PLCXD3: variants seen among roughly 807,000 people sequenced by gnomAD.
PLCXD3 encodes the protein PI-PLC X domain-containing protein 3.
In PLCXD3, 19 loss-of-function variants were observed where a neutral mutation model predicts 25.5. That is an observed-to-expected ratio of 0.75 (90% CI 0.52 to 1.09). PLCXD3 has a LOEUF of 1.09. PLCXD3 is among the 50% of genes least tolerant of loss of function. The pLI is 0.00. For synonymous variants in PLCXD3, 174 were observed against 137.6 expected, an observed-to-expected ratio of 1.26 and a Z score of -1.85; for missense variants, 411 against 388.1, an observed-to-expected ratio of 1.06 and a Z score of -0.50.
intron 2 of PLCXD3, among the ~76,000 whole-genome samples, chr5:41,327,225 G>A (rs867255895): frequency 2.0e-5 from 3 of 152,126 alleles, no homozygotes; most frequent in African/African-American, 7.2e-5. Flanking sequence ...GGGGACATGG[G>A]GACTAGAGAG....
chr5:41,469,192 A>T (rs1748094780), intron 1 of PLCXD3, among the ~76,000 whole-genome samples: 1 of 152,208 alleles, frequency 6.6e-6, no homozygotes, highest in Non-Finnish European at 1.5e-5. Flanking sequence ...TGATATGCAT[A>T]TATTGAACCA....
chr5:41,493,157 C>T (rs1320082760), intron 1 of PLCXD3, among the ~76,000 whole-genome samples: 1 of 152,192 alleles, frequency 6.6e-6, no homozygotes, highest in East Asian at 1.9e-4. Context: ...ACAGACAGAA[C>T]CCTCAGCTGC....
chr5:41,410,863 T>C (rs1208794548), intron 1 of PLCXD3, among the ~76,000 whole-genome samples: 3 of 152,210 alleles, frequency 2.0e-5, no homozygotes, highest in Non-Finnish European at 2.9e-5. Flanking sequence ...AGCAGCTAAT[T>C]GTATAAGACG....
intron 1 of PLCXD3, among the ~76,000 whole-genome samples, chr5:41,509,373 T>C (rs906457635): frequency 1.3e-5 from 2 of 152,062 alleles, no homozygotes; most frequent in African/African-American, 4.8e-5. Flanking sequence ...CATAGCCAAA[T>C]TGACAATAAA....
chr5:41,381,826 C>T lies in PLCXD3; in HGVS notation c.812G>A (p.Arg271Lys), dbSNP rs866875091. 1.9e-6 allele frequency: 3 copies of T among 1,601,432 alleles called. No individual in the cohort carries two copies. The highest frequency in any genetic ancestry group is 1.7e-6 in the Non-Finnish European group (2 of 1,174,402). ...ASGLRETITE[R>K]ALPAMMQWVR... ...CCCCTGACATTTTAAAGACACTTAC[C>T]TTTCTGTGATTGTTTCTCTGAGGCC... Residue 271 changes from arginine (R) to lysine (K), a missense_variant and splice_region_variant, in exon 2 of 3, where the codon AGA becomes AAA. Arg to Lys is a conservative substitution (Grantham distance 26). Transcript: ENST00000377801.
chr5:41,449,807 G>A (rs1747585490), intron 1 of PLCXD3, among the ~76,000 whole-genome samples: 1 of 152,022 alleles, frequency 6.6e-6, no homozygotes, highest in East Asian at 1.9e-4. Flanking sequence ...ACAGGACCTT[G>A]CATTAAAAAG....
At chr5:41,488,159 G>A (rs536256742) in intron 1 of PLCXD3, among the ~76,000 whole-genome samples, 1 of 150,098 alleles carries the variant, frequency 6.7e-6, no homozygotes, top group East Asian at 2.0e-4. Context: ...CCACCTATGA[G>A]TGAGAATATG....
At chr5:41,396,877 G>A (rs536698236) in intron 1 of PLCXD3, among the ~76,000 whole-genome samples, 4 of 152,160 alleles carry the variant, frequency 2.6e-5, no homozygotes, top group Non-Finnish European at 5.9e-5. Flanking sequence ...TGAGAAAGAC[G>A]ATTTAAAATA....
At chr5:41,465,338 C>T (rs1747988162) in intron 1 of PLCXD3, among the ~76,000 whole-genome samples, 1 of 79,590 alleles carries the variant, frequency 1.3e-5, no homozygotes, top group African/African-American at 4.7e-5. Flanking sequence ...TCCTACTTTC[C>T]CCACTAGTTC....
chr5:41,335,274 C>A (rs1000974912), intron 2 of PLCXD3, among the ~76,000 whole-genome samples: 2 of 152,190 alleles, frequency 1.3e-5, no homozygotes, highest in African/African-American at 4.8e-5. Context: ...TTTTACATTT[C>A]TGATTTTGCT....
chr5:41,430,617 C>A (rs1206312722), intron 1 of PLCXD3, among the ~76,000 whole-genome samples: 2 of 152,092 alleles, frequency 1.3e-5, no homozygotes, highest in African/African-American at 4.8e-5. Context: ...ACTTAAAAAA[C>A]CTGGAAGGGA....
intron 1 of PLCXD3, among the ~76,000 whole-genome samples, chr5:41,458,466 A>G (rs944150800): frequency 6.6e-6 from 1 of 151,956 alleles, no homozygotes; most frequent in African/African-American, 2.4e-5. Context: ...TTGATAAGCA[A>G]AAGTGTGTCA....
At chr5:41,365,915 ATTTATTTATT>A (rs1744922694) in intron 2 of PLCXD3, among the ~76,000 whole-genome samples, 1 of 2,934 alleles carries the variant, frequency 3.4e-4, no homozygotes, top group Admixed American at 2.3e-3. Flanking sequence ...GTCACCATTT[ATTTATTTATT>A]TATTTATTTA....
intron 2 of PLCXD3, among the ~76,000 whole-genome samples, chr5:41,359,900 G>A (rs1259515594): frequency 6.6e-6 from 1 of 152,066 alleles, no homozygotes; most frequent in Non-Finnish European, 1.5e-5. Flanking sequence ...AACTGGGAAA[G>A]TTTTCCTCAA....
rs1743123874 is a variant in PLCXD3, at chr5:41,310,950, A to T, written c.*2667T>A. The T allele has an allele frequency of 6.6e-6, 1 of 152,360 alleles. No homozygotes were observed. Among genetic ancestry groups the T allele is most frequent in the Non-Finnish European group, 1.5e-5 (1 of 68,014 alleles). 9.4% of individuals were successfully genotyped at this position (152,360 alleles called of 1,614,324 possible). A position where few individuals can be genotyped will look rare whatever the true frequency, so the allele number is the denominator to read the frequency against. On this transcript the variant is annotated 3_prime_UTR_variant, in exon 3 of 3. Transcript: ENST00000377801. ...AACTGCACAATTATTCAAAAGCTTC[A>T]TCATGTTTGTTTTTTTCCAGAACCC... is the stretch of plus-strand genomic sequence containing the variant.
chr5:41,426,665 T>G (rs966266052), intron 1 of PLCXD3, among the ~76,000 whole-genome samples: 6 of 152,124 alleles, frequency 3.9e-5, no homozygotes, highest in East Asian at 1.9e-4. Flanking sequence ...ACTTTGCTTT[T>G]AATTCTCTGC....
At chr5:41,388,890 C>A in intron 1 of PLCXD3, among the ~76,000 whole-genome samples, 1 of 151,526 alleles carries the variant, frequency 6.6e-6, no homozygotes, top group Admixed American at 6.6e-5. Flanking sequence ...AATAATAACA[C>A]TACAGTAGGA....
intron 1 of PLCXD3, among the ~76,000 whole-genome samples, chr5:41,510,103 G>A (rs1739007140): frequency 6.6e-6 from 1 of 152,044 alleles, no homozygotes; most frequent in Admixed American, 6.5e-5. Context: ...AAATCTGCAG[G>A]AGAAACCATA....
chr5:41,484,326 A>G (rs1661006674), intron 1 of PLCXD3, among the ~76,000 whole-genome samples: 1 of 152,106 alleles, frequency 6.6e-6, no homozygotes, highest in African/African-American at 2.4e-5. Context: ...TTGGACCAAA[A>G]TAGGTAAGCC....
Sources: allele counts gnomAD v4.1 joint callset (sites outside exome capture counted in the v4.1 genomes callset), GRCh38; gene constraint gnomAD v4.1.1; transcripts MANE v1.5; gene names NCBI Gene and HGNC (gene_info 2026-07-23, HGNC 2026-07-21).